NLGN1: variants seen among roughly 807,000 people sequenced by gnomAD.
NLGN1 encodes neuroligin 1.
A neutral mutation model predicts 65.5 loss-of-function variants in NLGN1; 12 were observed. The ratio of observed to expected loss-of-function variants is 0.18; its 90% CI spans 0.12 to 0.30. The LOEUF (loss-of-function observed/expected upper bound fraction) is 0.30, where lower values mean the gene tolerates loss of function less well. Ranked by LOEUF, NLGN1 falls within the 10% of genes least tolerant of loss-of-function variation. The pLI, the probability that NLGN1 is intolerant of heterozygous loss-of-function variation, is 1.00. For missense variants in NLGN1, 750 were observed against 1,007.1 expected (o/e 0.74, Z 3.46); for synonymous variants, 350 against 359.5 (o/e 0.97, Z 0.30).
intron 4 of NLGN1, among the ~76,000 whole-genome samples, chr3:174,246,203 C>A (rs1231573382): frequency 6.6e-6 from 1 of 152,150 alleles, no homozygotes; most frequent in Non-Finnish European, 1.5e-5. Context: ...TTAGAAATGG[C>A]AAGATTCCCA....
At chr3:174,098,389 A>G (rs989855290) in intron 4 of NLGN1, among the ~76,000 whole-genome samples, 1 of 152,202 alleles carries the variant, frequency 6.6e-6, no homozygotes, top group African/African-American at 2.4e-5. Flanking sequence ...TTACTATAAT[A>G]TGCATGTCTA....
intron 4 of NLGN1, among the ~76,000 whole-genome samples, chr3:173,986,863 T>G (rs1367455849): frequency 6.6e-6 from 1 of 152,206 alleles, no homozygotes; most frequent in Non-Finnish European, 1.5e-5. Context: ...GACCACTTTA[T>G]TTAGTTCTTG....
chr3:173,817,403 A>T (rs1189426495), intron 4 of NLGN1, among the ~76,000 whole-genome samples: 1 of 152,230 alleles, frequency 6.6e-6, no homozygotes, highest in Non-Finnish European at 1.5e-5. Context: ...TCTGCTGTGG[A>T]TACAAAAAGC....
At chr3:173,812,385 T>C (rs994169893) in intron 4 of NLGN1, among the ~76,000 whole-genome samples, 3 of 152,098 alleles carry the variant, frequency 2.0e-5, no homozygotes, top group Non-Finnish European at 2.9e-5. Flanking sequence ...AATTAGACTA[T>C]CTATGCCATA....
chr3:173,778,919 G>C (rs946419932), intron 3 of NLGN1, among the ~76,000 whole-genome samples: 10 of 151,406 alleles, frequency 6.6e-5, no homozygotes, highest in Non-Finnish European at 1.2e-4. Context: ...TTTTCTTACA[G>C]AGCAAATGTA....
At chr3:173,492,213 A>G (rs1228893002) in intron 2 of NLGN1, among the ~76,000 whole-genome samples, 1 of 151,900 alleles carries the variant, frequency 6.6e-6, no homozygotes, top group South Asian at 2.1e-4. Flanking sequence ...TTAGTGCAGT[A>G]TCTGACTTCT....
chr3:173,994,898 GA>G (rs1295466395), intron 4 of NLGN1, among the ~76,000 whole-genome samples: 1 of 152,070 alleles, frequency 6.6e-6, no homozygotes, highest in East Asian at 1.9e-4. Flanking sequence ...TTGCAAAGAG[GA>G]AACATAAGGA....
chr3:173,449,975 T>C (rs1360565766), intron 2 of NLGN1, among the ~76,000 whole-genome samples: 1 of 152,180 alleles, frequency 6.6e-6, no homozygotes, highest in Non-Finnish European at 1.5e-5. Context: ...TGAGATGGGT[T>C]TCCTGAATAC....
chr3:173,814,196 A>G (rs1263216123), intron 4 of NLGN1, among the ~76,000 whole-genome samples: 1 of 152,268 alleles, frequency 6.6e-6, no homozygotes, highest in Admixed American at 6.5e-5. Context: ...TAACTTCTAT[A>G]ATATCATTTT....
intron 4 of NLGN1, among the ~76,000 whole-genome samples, chr3:173,902,600 G>T (rs1737574960): frequency 6.6e-6 from 1 of 151,970 alleles, no homozygotes; most frequent in Admixed American, 6.6e-5. Context: ...TTTTAAGTTG[G>T]CAAGCCTCTG....
intron 4 of NLGN1, among the ~76,000 whole-genome samples, chr3:174,053,618 A>G (rs936480783): frequency 2.6e-5 from 4 of 151,990 alleles, no homozygotes; most frequent in African/African-American, 9.7e-5. Flanking sequence ...ACTGTCCTCT[A>G]GGTGCTAGCA....
chr3:173,806,460 A>G (rs1248345997), intron 3 of NLGN1, among the ~76,000 whole-genome samples: 1 of 152,166 alleles, frequency 6.6e-6, no homozygotes, highest in Non-Finnish European at 1.5e-5. Flanking sequence ...ACAAAAACAT[A>G]CTATTAAATT....
Position 173,743,712 on chromosome 3 carries a change from T to C in NLGN1, c.494-63968T>C, listed in dbSNP as rs1353398454. On this transcript the variant is annotated intron_variant, in intron 3 of 6. Transcript: ENST00000457714. ...GTAGCAGCAAGCTACTGGCCTTTCATTGGACAGTTCGTTGGGGAGGGAGTG... is the reference window on the plus strand; with the variant it reads ...GTAGCAGCAAGCTACTGGCCTTTCACTGGACAGTTCGTTGGGGAGGGAGTG... Among the ~76,000 whole-genome samples, 3 of 152,134 alleles carry C rather than the reference T, an allele frequency of 2.0e-5. No individual in the cohort carries two copies. In the East Asian group the frequency reaches 5.8e-4, roughly 29 times the overall value.
intron 2 of NLGN1, among the ~76,000 whole-genome samples, chr3:173,461,550 A>T (rs924370532): frequency 4.6e-5 from 7 of 152,146 alleles, no homozygotes; most frequent in African/African-American, 1.7e-4. Flanking sequence ...TCTGCATAAT[A>T]TGATATTGTA....
At chr3:174,291,184 C>A (rs1752730134), downstream of NLGN1, among the ~76,000 whole-genome samples, 1 of 149,088 alleles carries the variant, frequency 6.7e-6, no homozygotes, top group African/African-American at 2.5e-5. Context: ...GGGATGTGAG[C>A]TGAGGGGGAG....
chr3:173,950,264 A>G (rs143301880), intron 4 of NLGN1, among the ~76,000 whole-genome samples: 252 of 152,322 alleles, frequency 1.7e-3, no homozygotes, highest in African/African-American at 5.7e-3. Context: ...TAGCTCATGT[A>G]TAAATATTAT....
intron 4 of NLGN1, among the ~76,000 whole-genome samples, chr3:174,067,351 T>C (rs950558817): frequency 1.3e-5 from 2 of 152,182 alleles, no homozygotes; most frequent in Non-Finnish European, 2.9e-5. Context: ...TGAACTGTAA[T>C]AACTTTTATT....
intron 4 of NLGN1, among the ~76,000 whole-genome samples, chr3:174,078,393 A>G (rs562604091): frequency 6.6e-6 from 1 of 152,322 alleles, no homozygotes. Context: ...TCAACTGTCC[A>G]TTGGAAGGGT....
At chr3:173,420,481 T>G (rs1431082634) in intron 1 of NLGN1, among the ~76,000 whole-genome samples, 1 of 152,202 alleles carries the variant, frequency 6.6e-6, no homozygotes, top group African/African-American at 2.4e-5. Context: ...CTATCATTGT[T>G]GGACATTTGG....
Sources: allele counts gnomAD v4.1 joint callset (sites outside exome capture counted in the v4.1 genomes callset), GRCh38; gene constraint gnomAD v4.1.1; transcripts MANE v1.5; gene names NCBI Gene and HGNC (gene_info 2026-07-23, HGNC 2026-07-21).